NUDCD3: variants seen among roughly 807,000 people sequenced by gnomAD.
The protein encoded by NUDCD3 is nudC domain-containing protein 3.
Under a neutral mutation model 39.7 loss-of-function variants are expected in NUDCD3, and 13 were observed. The observed-to-expected ratio is 0.33, with a 90% CI of 0.21 to 0.52. The LOEUF is 0.52. Among genes scored for constraint, NUDCD3 ranks in the 20% least tolerant of loss-of-function variants. The probability of loss-of-function intolerance (pLI) is 0.96; values close to 1 mark genes in which losing one functional copy is unlikely to be tolerated. For missense variants in NUDCD3, 453 were observed against 458.1 expected (o/e 0.99, Z 0.10); for synonymous variants, 175 against 172.4 (o/e 1.02, Z -0.12).
chr7:44,458,368 A>C (rs61686984), intron 2 of NUDCD3, among the ~76,000 whole-genome samples: 65 of 152,260 alleles, frequency 4.3e-4, no homozygotes, highest in African/African-American at 1.5e-3. Context: ...AGGTAATAAA[A>C]ATGTTCTGGG....
At chr7:44,410,203 C>T (rs1798897167) in intron 3 of NUDCD3, among the ~76,000 whole-genome samples, 1 of 152,066 alleles carries the variant, frequency 6.6e-6, no homozygotes, top group South Asian at 2.1e-4. Context: ...GCCAGCCTCA[C>T]CTAGATGTCA....
chr7:44,460,724 A>G (rs374092280), intron 2 of NUDCD3, among the ~76,000 whole-genome samples: 3 of 152,344 alleles, frequency 2.0e-5, no homozygotes, highest in East Asian at 1.9e-4. Context: ...TTAAGATGAA[A>G]AGGATAGGAT....
At chr7:44,453,279 G>C (rs765107609) in intron 2 of NUDCD3, among the ~76,000 whole-genome samples, 3 of 152,044 alleles carry the variant, frequency 2.0e-5, no homozygotes, top group Non-Finnish European at 4.4e-5. Flanking sequence ...CTTGAACTCG[G>C]GAAGCAGAGG....
chr7:44,472,650 G>C (rs1222933332), intron 2 of NUDCD3, among the ~76,000 whole-genome samples: 1 of 152,188 alleles, frequency 6.6e-6, no homozygotes, highest in African/African-American at 2.4e-5. Context: ...ATAGCGTTGT[G>C]CTAACAAACA....
chr7:44,433,360 T>C (rs1799402402), intron 2 of NUDCD3, among the ~76,000 whole-genome samples: 1 of 152,144 alleles, frequency 6.6e-6, no homozygotes, highest in South Asian at 2.1e-4. Flanking sequence ...GGTACGTGTG[T>C]GCATACAATG....
chr7:44,438,972 TTG>T (rs1799520090), intron 2 of NUDCD3, among the ~76,000 whole-genome samples: 1 of 152,172 alleles, frequency 6.6e-6, no homozygotes, highest in Non-Finnish European at 1.5e-5. Flanking sequence ...ACAGAAGTTC[TTG>T]CTACACCTCG....
chr7:44,388,997 C>G (rs1430972425), intron 5 of NUDCD3, among the ~76,000 whole-genome samples: 1 of 152,234 alleles, frequency 6.6e-6, no homozygotes, highest in East Asian at 1.9e-4. Context: ...TGCTAGGTCA[C>G]AAGAAGCTGT....
chr7:44,408,104 TAC>T (rs1798861924), intron 3 of NUDCD3, among the ~76,000 whole-genome samples: 2 of 152,202 alleles, frequency 1.3e-5, no homozygotes, highest in Admixed American at 1.3e-4. Context: ...CAGAATCAAT[TAC>T]ACAGAGTGTA....
chr7:44,421,688 C>T (rs552255568), intron 3 of NUDCD3, among the ~76,000 whole-genome samples: 1 of 152,118 alleles, frequency 6.6e-6, no homozygotes, highest in Admixed American at 6.5e-5. Context: ...TAGAGACCTA[C>T]AAAGAGACTT....
At position 44,404,582 on chromosome 7, in the gene NUDCD3, A is replaced by C; in HGVS notation, c.644T>G (p.Val215Gly). The C allele has an allele frequency of 6.2e-7, 1 of 1,613,430 alleles. No homozygotes were observed. Among genetic ancestry groups the C allele is most frequent in the Non-Finnish European group, 8.5e-7 (1 of 1,179,884 alleles). Reference protein sequence around the residue: ...VPKHVVKGKQVSVALSSSSIR... With the variant: ...VPKHVVKGKQGSVALSSSSIR... ...GGAGCTGCTGCTAAGGGCCACTGAG[A>C]CCTGGGGACACAGCAGAAGAAAATC... Residue 215 changes from valine to glycine, a missense_variant and splice_region_variant, in exon 4 of 6, where the codon GTC becomes GGC. Physicochemically the swap from Val to Gly is moderately radical, Grantham distance 109. Coordinates refer to ENST00000355451, the MANE Select transcript of NUDCD3 (RefSeq NM_015332.4).
chr7:44,442,749 G>A (rs1446954522), intron 2 of NUDCD3, among the ~76,000 whole-genome samples: 1 of 138,522 alleles, frequency 7.2e-6, no homozygotes, highest in African/African-American at 2.7e-5. Context: ...AGGCCGGACT[G>A]CAGTGGCGCT....
intron 2 of NUDCD3, among the ~76,000 whole-genome samples, chr7:44,449,869 AC>A (rs1304567582): frequency 2.0e-5 from 3 of 149,724 alleles, no homozygotes; most frequent in Non-Finnish European, 4.5e-5. Context: ...AAAAAAAAAA[AC>A]TGATACACTG....
chr7:44,391,498 G>A (rs764397035), intron 5 of NUDCD3, among the ~76,000 whole-genome samples: 3 of 152,096 alleles, frequency 2.0e-5, no homozygotes, highest in Non-Finnish European at 4.4e-5. Flanking sequence ...AGAAAATATC[G>A]ATCAGCGATC....
chr7:44,411,961 C>A (rs1443903419), intron 3 of NUDCD3, among the ~76,000 whole-genome samples: 1 of 152,196 alleles, frequency 6.6e-6, no homozygotes, highest in Non-Finnish European at 1.5e-5. Context: ...CAGATGCCAG[C>A]AAAGGACAAG....
intron 2 of NUDCD3, among the ~76,000 whole-genome samples, chr7:44,451,341 G>A (rs1489009799): frequency 2.0e-5 from 3 of 152,180 alleles, no homozygotes; most frequent in African/African-American, 7.2e-5. Flanking sequence ...ACGGGGAAGG[G>A]GAGTCACTGT....
intron 2 of NUDCD3, among the ~76,000 whole-genome samples, chr7:44,451,599 G>C (rs1047386899): frequency 6.6e-6 from 1 of 152,092 alleles, no homozygotes; most frequent in Non-Finnish European, 1.5e-5. Flanking sequence ...ACAGAAAACA[G>C]AGCCGTGGTT....
In NUDCD3 at chr7:44,455,695, C is replaced by T. The variant is rs779616322; in HGVS notation, c.510-27992G>A. ...GAACACGTGTAAGAGCACATAAGAG[C>T]ATGTGTCTACCTGCTCAGAACAATG... On this transcript the variant is annotated intron_variant, in intron 2 of 5. Coordinates refer to ENST00000355451, the MANE Select transcript of NUDCD3 (RefSeq NM_015332.4). 1.9e-4 allele frequency among the ~76,000 whole-genome samples: 29 copies of T among 152,266 alleles called. No individual in the cohort carries two copies. In the Middle Eastern group the frequency reaches 0.01, roughly 54 times the overall value.
intron 2 of NUDCD3, among the ~76,000 whole-genome samples, chr7:44,444,668 C>T (rs1799656142): frequency 6.6e-6 from 1 of 152,182 alleles, no homozygotes; most frequent in Non-Finnish European, 1.5e-5. Flanking sequence ...AATGCTGAGT[C>T]CTGTAGGCCT....
At chr7:44,486,035 G>C (rs537043827) in intron 1 of NUDCD3, among the ~76,000 whole-genome samples, 78 of 152,350 alleles carry the variant, frequency 5.1e-4, no homozygotes, top group South Asian at 2.5e-3. Context: ...CATGTCTGGC[G>C]AAAGAAATCT....
Sources: allele counts gnomAD v4.1 joint callset (sites outside exome capture counted in the v4.1 genomes callset), GRCh38; gene constraint gnomAD v4.1.1; transcripts MANE v1.5; gene names NCBI Gene and HGNC (gene_info 2026-07-23, HGNC 2026-07-21).